UTRN: variants seen among roughly 807,000 people sequenced by gnomAD.
UTRN encodes dystrophin-related protein 1.
Under a neutral mutation model 463.9 loss-of-function variants are expected in UTRN, and 283 were observed. The observed-to-expected ratio is 0.61, with a 90% confidence interval of 0.55 to 0.67. The LOEUF (loss-of-function observed/expected upper bound fraction) is 0.67, where lower values mean the gene tolerates loss of function less well. Ranked by LOEUF, UTRN falls within the 30% of genes least tolerant of loss-of-function variation. UTRN has a pLI of 0.00. For synonymous variants in UTRN, 1,442 were observed against 1,431.5 expected, an observed-to-expected ratio of 1.01 and a Z score of -0.17; for missense variants, 3,922 against 4,084.3, an observed-to-expected ratio of 0.96 and a Z score of 1.08.
At chr6:144,290,749 C>T (rs1254021759) in intron 1 of UTRN, among the ~76,000 whole-genome samples, 5 of 135,152 alleles carry the variant, frequency 3.7e-5, no homozygotes, top group East Asian at 2.2e-4. Context: ...AAGCCACAAT[C>T]GTCTTTTTTT....
At chr6:144,352,422 A>G (rs1778186347) in intron 2 of UTRN, among the ~76,000 whole-genome samples, 1 of 152,192 alleles carries the variant, frequency 6.6e-6, no homozygotes, top group African/African-American at 2.4e-5. Context: ...ATATGCATTA[A>G]AAATTTCATA....
chr6:144,682,038 T>A (rs1782255288), intron 52 of UTRN, among the ~76,000 whole-genome samples: 2 of 152,214 alleles, frequency 1.3e-5, no homozygotes, highest in Non-Finnish European at 2.9e-5. Flanking sequence ...AAGTTATTAT[T>A]GACTATAATC....
At chr6:144,614,925 G>A (rs1219704797) in intron 51 of UTRN, among the ~76,000 whole-genome samples, 3 of 152,066 alleles carry the variant, frequency 2.0e-5, no homozygotes, top group Non-Finnish European at 4.4e-5. Flanking sequence ...TTCAATATAT[G>A]AACCTTTAAG....
intron 29 of UTRN, among the ~76,000 whole-genome samples, chr6:144,488,016 A>G (rs974280018): frequency 1.3e-5 from 2 of 152,226 alleles, no homozygotes; most frequent in Non-Finnish European, 2.9e-5. Flanking sequence ...TATTAGGGCC[A>G]TGATATTTCA....
At chr6:144,391,702 T>C (rs1781943016) in intron 2 of UTRN, among the ~76,000 whole-genome samples, 2 of 152,196 alleles carry the variant, frequency 1.3e-5, no homozygotes, top group Admixed American at 6.5e-5. Context: ...AGTGCAGTGG[T>C]GCAATCTCGG....
chr6:144,305,394 T>G (rs1270834874), intron 2 of UTRN, among the ~76,000 whole-genome samples: 2 of 152,198 alleles, frequency 1.3e-5, no homozygotes, highest in Non-Finnish European at 2.9e-5. Context: ...TCTTTAGAGA[T>G]AGTGAGAGAG....
intron 53 of UTRN, among the ~76,000 whole-genome samples, chr6:144,723,934 C>T (rs1490119890): frequency 1.1e-4 from 16 of 146,172 alleles, no homozygotes; most frequent in Non-Finnish European, 1.9e-4. Flanking sequence ...TGCTTGAGCC[C>T]GGGAGGCAGA....
intron 54 of UTRN, among the ~76,000 whole-genome samples, chr6:144,741,282 G>A (rs1790041909): frequency 6.6e-6 from 1 of 152,162 alleles, no homozygotes; most frequent in Non-Finnish European, 1.5e-5. Flanking sequence ...ATCACTAGGG[G>A]CTGTGTTTAG....
chr6:144,801,527 GATAT>G (rs151073512), intron 64 of UTRN, among the ~76,000 whole-genome samples: 2 of 149,708 alleles, frequency 1.3e-5, no homozygotes, highest in Non-Finnish European at 3.0e-5. Context: ...TTCTACCCAA[GATAT>G]ATATATATAT....
At chr6:144,754,631 TTTATTA>T in intron 56 of UTRN, 83 bp from the exon 57 acceptor site, 1 of 1,320,390 alleles carries the variant, frequency 7.6e-7, no homozygotes, top group Non-Finnish European at 1.1e-6. Context: ...AATAGCATCA[TTTATTA>T]TAGTCTTTAA....
At chr6:144,803,387 A>G (rs1037056378) in intron 65 of UTRN, among the ~76,000 whole-genome samples, 3 of 151,934 alleles carry the variant, frequency 2.0e-5, no homozygotes, top group African/African-American at 7.2e-5. Flanking sequence ...TTAAGAGCTG[A>G]TACTGACCTA....
intron 54 of UTRN, among the ~76,000 whole-genome samples, chr6:144,737,219 AAGTACTTCTCAG>A (rs550238655): frequency 1.3e-5 from 2 of 152,146 alleles, no homozygotes; most frequent in Non-Finnish European, 2.9e-5. Flanking sequence ...AAAGCCACTG[AAGTACTTCTCAG>A]AGGTATTAAC....
intron 74 of UTRN, 106 bp downstream of exon 74, chr6:144,846,933 T>A: frequency 6.9e-7 from 1 of 1,452,378 alleles, no homozygotes; most frequent in Non-Finnish European, 9.6e-7. Flanking sequence ...TGTAAATAAG[T>A]AAACTTACTT....
At chr6:144,792,522 G>A (rs998280073) in intron 62 of UTRN, among the ~76,000 whole-genome samples, 9 of 152,026 alleles carry the variant, frequency 5.9e-5, no homozygotes, top group African/African-American at 2.2e-4. Flanking sequence ...ACTCCAGCCT[G>A]GGCAACAAGA....
chr6:144,386,733 A>G (rs1337940928), intron 2 of UTRN, among the ~76,000 whole-genome samples: 1 of 152,132 alleles, frequency 6.6e-6, no homozygotes, highest in Non-Finnish European at 1.5e-5. Flanking sequence ...ATAAATATTT[A>G]TCTTGGACAA....
At chr6:144,716,984 G>A (rs1251947953) in intron 53 of UTRN, among the ~76,000 whole-genome samples, 2 of 152,046 alleles carry the variant, frequency 1.3e-5, no homozygotes, top group African/African-American at 2.4e-5. Flanking sequence ...TAGCTTTTCT[G>A]GATCATTTTC....
intron 35 of UTRN, among the ~76,000 whole-genome samples, chr6:144,513,489 G>A (rs1007217282): frequency 1.3e-5 from 2 of 152,130 alleles, no homozygotes; most frequent in Non-Finnish European, 2.9e-5. Flanking sequence ...GGTGGAGGTT[G>A]CAGTGAGCTG....
chr6:144,832,487 T>C (rs1227232888), intron 69 of UTRN, among the ~76,000 whole-genome samples: 1 of 152,214 alleles, frequency 6.6e-6, no homozygotes, highest in East Asian at 1.9e-4. Context: ...GGTTTCACTA[T>C]GGATAGTCAG....
chr6:144,330,870 A>T (rs1244638032), intron 2 of UTRN: 3 of 985,308 alleles, frequency 3.0e-6, no homozygotes, highest in Non-Finnish European at 3.6e-6. Flanking sequence ...CACATTCTCC[A>T]GCCGAGGGGT....
Sources: allele counts gnomAD v4.1 joint callset (sites outside exome capture counted in the v4.1 genomes callset), GRCh38; gene constraint gnomAD v4.1.1; transcripts MANE v1.5; gene names NCBI Gene and HGNC (gene_info 2026-07-23, HGNC 2026-07-21).